TTC3: variants seen among roughly 807,000 people sequenced by gnomAD.
TTC3 encodes tetratricopeptide repeat domain 3.
Under a neutral mutation model 249.6 loss-of-function variants are expected in TTC3, and 180 were observed. The ratio of observed to expected loss-of-function variants is 0.72; its 90% CI spans 0.64 to 0.82. The LOEUF (loss-of-function observed/expected upper bound fraction) is 0.82. Ranked by LOEUF, TTC3 falls within the 40% of genes least tolerant of loss-of-function variation. The pLI is 0.00. For missense variants in TTC3, 2,061 were observed against 2,398.4 expected, an observed-to-expected ratio of 0.86 and a Z score of 2.94; for synonymous variants, 717 against 805.0, an observed-to-expected ratio of 0.89 and a Z score of 1.85.
At chr21:37,129,162 A>C (rs1412410887) in intron 16 of TTC3, 99 bp downstream of exon 16, 2 of 590,700 alleles carry the variant, frequency 3.4e-6, no homozygotes, top group Admixed American at 3.8e-5. Context: ...ACTTTAATGT[A>C]TGTATTATGA....
intron 12 of TTC3, among the ~76,000 whole-genome samples, chr21:37,122,334 T>C (rs2076647220): frequency 6.7e-6 from 1 of 150,164 alleles, no homozygotes; most frequent in Non-Finnish European, 1.5e-5. Context: ...AGTTATTTCC[T>C]AAAGAAAAGA....
intron 8 of TTC3, among the ~76,000 whole-genome samples, chr21:37,095,137 A>ATGTGTGTGTGTGTGTGTG (rs57682889): frequency 0.098 from 14,446 of 147,148 alleles, 880 homozygotes; most frequent in Non-Finnish European, 0.13. Flanking sequence ...CTCTAAAAAT[A>ATGTGTGTGTGTGTGTGTG]TGTGTGTGTG....
chr21:37,191,582 T>G (rs917115836), intron 40 of TTC3, among the ~76,000 whole-genome samples, 158 bp downstream of exon 40: 4 of 152,200 alleles, frequency 2.6e-5, no homozygotes, highest in East Asian at 1.9e-4. Context: ...CTAATGGTTT[T>G]GTTTTGTTTT....
rs1336624079 is a variant in TTC3 at position 37,116,621 on chromosome 21, CCA to C, written c.901-5195_901-5194del. On this transcript the variant is annotated intron_variant, in intron 11 of 45. Coordinates refer to ENST00000355666, the Ensembl canonical transcript of TTC3. ...GTCAGGAGTTCCAAGACCAGCCTGG[CCA>C]ACATGTGAAACCCCGTCTCTACAAA... is the stretch of plus-strand genomic sequence containing the variant. Among the ~76,000 whole-genome samples the C allele has an allele frequency of 2.6e-5, 3 of 116,304 alleles. No individual in the cohort carries two copies. In the East Asian group the frequency reaches 7.2e-4, roughly 28 times the overall value. The allele number at this position is 116,304 out of a possible 152,430, so 76.3% of individuals were successfully genotyped here. A position where few individuals can be genotyped will look rare whatever the true frequency, so the allele number is the denominator to read the frequency against.
exon 2 of TTC3, chr21:37,087,258 A>G (rs776001773): frequency 1.9e-6 from 3 of 1,613,846 alleles, no homozygotes; most frequent in East Asian, 4.5e-5. Flanking sequence ...CTTGTGCACC[A>G]TGGACAATTT....
intron 11 of TTC3, among the ~76,000 whole-genome samples, chr21:37,118,039 C>A (rs1272339182): frequency 6.6e-6 from 1 of 151,566 alleles, no homozygotes; most frequent in Non-Finnish European, 1.5e-5. Context: ...CGTATGATTG[C>A]AGAAATATTT....
exon 33 of TTC3, chr21:37,166,120 T>C (rs1284464925): frequency 1.2e-6 from 2 of 1,614,102 alleles, no homozygotes; most frequent in African/African-American, 2.7e-5. Context: ...TTCTTGAGGA[T>C]GTGAAACCAA....
At position 37,196,167 on chromosome 21, in the gene TTC3, T is replaced by C. The variant is rs943846957; in HGVS notation, c.5579+131T>C. The C allele has an allele frequency of 6.6e-6, 8 of 1,204,772 alleles. No individual in the cohort carries two copies. The African/African-American group carries it at 1.2e-4, about 19-fold the overall frequency. 74.6% of individuals were successfully genotyped at this position (1,204,772 alleles called of 1,614,324 possible). A position where few individuals can be genotyped will look rare whatever the true frequency, so the allele number is the denominator to read the frequency against. On this transcript the variant is annotated intron_variant, in intron 42 of 45. Coordinates refer to ENST00000355666, the Ensembl canonical transcript of TTC3. ...ATAATTGTTTTGCTCAGAAAGACAG[T>C]TGCTACATTTCTTTCTTTTTGTAAA...
chr21:37,093,963 A>G (rs772654876), intron 7 of TTC3, 42 bp from the exon 8 acceptor site: 1 of 1,356,826 alleles, frequency 7.4e-7, no homozygotes, highest in Non-Finnish European at 1.0e-6. Context: ...TTTTTTTTTA[A>G]ACAAATGTTC....
intron 21 of TTC3, among the ~76,000 whole-genome samples, chr21:37,146,553 C>T (rs954672355): frequency 6.6e-6 from 1 of 151,998 alleles, no homozygotes; most frequent in Non-Finnish European, 1.5e-5. Flanking sequence ...CATGCTGCAG[C>T]ATGGATGGAC....
chr21:37,186,967 A>G (rs547176820), intron 37 of TTC3, 82 bp from the exon 38 acceptor site: 3 of 794,556 alleles, frequency 3.8e-6, no homozygotes, highest in Admixed American at 3.4e-5. Flanking sequence ...TGTGGTTTCA[A>G]AGCTCATCCA....
At chr21:37,127,211 C>G (rs546680849) in intron 15 of TTC3, among the ~76,000 whole-genome samples, 1 of 152,264 alleles carries the variant, frequency 6.6e-6, no homozygotes, top group South Asian at 2.1e-4. Context: ...GCCTCATGAC[C>G]TAATTCCTCC....
At chr21:37,108,498 G>GA in intron 11 of TTC3, 52 bp downstream of exon 11, 1 of 1,529,038 alleles carries the variant, frequency 6.5e-7, no homozygotes. Flanking sequence ...ACAACATTGT[G>GA]AAAAATCTGT....
chr21:37,117,848 A>AAAAG (rs1438313829), intron 11 of TTC3, among the ~76,000 whole-genome samples: 4 of 150,634 alleles, frequency 2.7e-5, no homozygotes, highest in African/African-American at 9.8e-5. Flanking sequence ...AAAAAAAAAA[A>AAAAG]AAAAAGAAAA....
At chr21:37,179,691 A>G (rs1215227433) in intron 35 of TTC3, among the ~76,000 whole-genome samples, 3 of 151,480 alleles carry the variant, frequency 2.0e-5, no homozygotes, top group African/African-American at 4.9e-5. Context: ...TTGTTTTTTG[A>G]ATGGGGGTCT....
chr21:37,108,655 ATCTTGAG>A (rs1273999535), intron 11 of TTC3, among the ~76,000 whole-genome samples: 1 of 152,154 alleles, frequency 6.6e-6, no homozygotes, highest in East Asian at 1.9e-4. Context: ...GCCTGTGGGC[ATCTTGAG>A]TCTTCAGGGT....
At chr21:37,077,258 T>C (rs183451539) in intron 1 of TTC3, among the ~76,000 whole-genome samples, 54 of 152,340 alleles carry the variant, frequency 3.5e-4, no homozygotes, top group African/African-American at 1.3e-3. Flanking sequence ...GGTGATATTT[T>C]TTAAATGTCA....
chr21:37,083,052 A>G, intron 1 of TTC3: 1 of 985,460 alleles, frequency 1.0e-6, no homozygotes, highest in Middle Eastern at 5.2e-4. Flanking sequence ...GTGATGGTCA[A>G]ACAATGTGAA....
chr21:37,191,355 C>A, exon 40 of TTC3: 1 of 1,586,654 alleles, frequency 6.3e-7, no homozygotes, highest in South Asian at 1.2e-5. Context: ...CATATCCTGA[C>A]ATGGAGTCTG....
Sources: allele counts gnomAD v4.1 joint callset (sites outside exome capture counted in the v4.1 genomes callset), GRCh38; gene constraint gnomAD v4.1.1; transcripts MANE v1.5; gene names NCBI Gene and HGNC (gene_info 2026-07-23, HGNC 2026-07-21).